Variants in PCSK5 observed in about 807,000 individuals in gnomAD.
PCSK5 encodes proprotein convertase subtilisin/kexin type 5, also known as prohormone convertase 5.
Under a neutral mutation model 233.2 loss-of-function variants are expected in PCSK5, and 129 were observed. That is an observed-to-expected ratio of 0.55 (90% CI 0.48 to 0.64). The LOEUF (loss-of-function observed/expected upper bound fraction) is 0.64, where lower values mean the gene tolerates loss of function less well. Among genes scored for constraint, PCSK5 ranks in the 30% least tolerant of loss-of-function variants. The probability of loss-of-function intolerance (pLI) is 0.00; values close to 1 mark genes in which losing one functional copy is unlikely to be tolerated. For missense variants in PCSK5, 2,076 were observed against 2,430.1 expected, an observed-to-expected ratio of 0.85 and a Z score of 3.06; for synonymous variants, 825 against 879.2, an observed-to-expected ratio of 0.94 and a Z score of 1.09.
chr9:75,978,487 G>A (rs1380395272), intron 2 of PCSK5, among the ~76,000 whole-genome samples: 2 of 152,166 alleles, frequency 1.3e-5, no homozygotes, highest in African/African-American at 2.4e-5. Flanking sequence ...ACTAGTGATT[G>A]GTAGTCCTCT....
chr9:76,328,975 A>ATTTTTTTTTTTTTTTTTTTTTTTTTT (rs59466685), intron 33 of PCSK5, among the ~76,000 whole-genome samples: 2 of 123,708 alleles, frequency 1.6e-5, no homozygotes, highest in Non-Finnish European at 3.3e-5. Context: ...CTCCCGGCTA[A>ATTTTTTTTTTTTTTTTTTTTTTTTTT]TTTTTTTTTT....
Position 76,068,059 on chromosome 9 carries a change from T to C in PCSK5, c.721+16T>C, listed in dbSNP as rs768626680. The C allele has an allele frequency of 4.4e-6, 7 of 1,581,004 alleles. No homozygotes were observed. Among genetic ancestry groups the C allele is most frequent in the South Asian group, 3.3e-5 (3 of 90,406 alleles). ...AAGATCGGAGGTATGGGAAACCAAC[T>C]CACGTGGATGTAGAAATGCGCCAGT... is the stretch of plus-strand genomic sequence containing the variant. On this transcript the variant is annotated intron_variant, in intron 6 of 37. Transcript: ENST00000674117.
At chr9:76,193,428 GAAAAAAA>G in intron 20 of PCSK5, 1 of 629,930 alleles carries the variant, frequency 1.6e-6, no homozygotes, top group Non-Finnish European at 2.2e-6. Flanking sequence ...AAGCCAAAAA[GAAAAAAA>G]AAAAAAGCAA....
At chr9:76,144,229 G>A (rs556013436) in intron 10 of PCSK5, among the ~76,000 whole-genome samples, 2 of 151,078 alleles carry the variant, frequency 1.3e-5, no homozygotes, top group South Asian at 4.1e-4. Context: ...CAATGTATAT[G>A]CTTTCTTAAT....
At chr9:76,245,310 G>A (rs1826555739) in intron 24 of PCSK5, among the ~76,000 whole-genome samples, 1 of 151,774 alleles carries the variant, frequency 6.6e-6, no homozygotes, top group South Asian at 2.1e-4. Context: ...TCCACTCTTG[G>A]GATAAAACAT....
chr9:76,115,619 A>G (rs370033385), intron 9 of PCSK5, among the ~76,000 whole-genome samples: 1 of 152,206 alleles, frequency 6.6e-6, no homozygotes, highest in South Asian at 2.1e-4. Flanking sequence ...CCCAAATACC[A>G]TCAAATATGA....
chr9:76,165,461 A>G (rs1823048624), intron 12 of PCSK5, among the ~76,000 whole-genome samples: 2 of 152,224 alleles, frequency 1.3e-5, no homozygotes, highest in Non-Finnish European at 2.9e-5. Flanking sequence ...AGGGAAATAA[A>G]GCTTACAGTA....
intron 3 of PCSK5, among the ~76,000 whole-genome samples, chr9:76,000,717 T>G (rs141574411): frequency 1.3e-5 from 2 of 152,332 alleles, no homozygotes; most frequent in East Asian, 3.9e-4. Flanking sequence ...TTGATGTGTT[T>G]TATTTCATTG....
At chr9:76,202,063 G>A (rs899259092) in intron 20 of PCSK5, among the ~76,000 whole-genome samples, 1 of 152,028 alleles carries the variant, frequency 6.6e-6, no homozygotes, top group Non-Finnish European at 1.5e-5. Context: ...AAAAAAGTAA[G>A]GCTTTTTATT....
At chr9:76,122,804 T>C (rs943746635) in intron 9 of PCSK5, among the ~76,000 whole-genome samples, 6 of 150,062 alleles carry the variant, frequency 4.0e-5, no homozygotes, top group African/African-American at 1.2e-4. Flanking sequence ...TTCCATCAGT[T>C]ACTTATTTTT....
At chr9:76,313,876 T>G (rs78781477) in intron 30 of PCSK5, among the ~76,000 whole-genome samples, 10,251 of 151,906 alleles carry the variant, frequency 0.067, 377 homozygotes, top group Non-Finnish European at 0.077. Context: ...AGGTGAGAAG[T>G]CAGGTTTGGA....
chr9:76,288,235 C>T (rs2803413), intron 24 of PCSK5, among the ~76,000 whole-genome samples: 31,890 of 152,068 alleles, frequency 0.21, 3,459 homozygotes, highest in Middle Eastern at 0.27. Context: ...AGGTGAAACT[C>T]ACTTCTCAGG....
At chr9:75,941,927 A>G (rs1564097768) in intron 2 of PCSK5, among the ~76,000 whole-genome samples, 3 of 152,232 alleles carry the variant, frequency 2.0e-5, no homozygotes, top group East Asian at 1.9e-4. Flanking sequence ...CAAAGACCCA[A>G]TCTCTTATAG....
At chr9:76,163,102 A>G (rs1822939542) in intron 12 of PCSK5, among the ~76,000 whole-genome samples, 1 of 152,228 alleles carries the variant, frequency 6.6e-6, no homozygotes. Context: ...TTGACAAAAT[A>G]TACGTCCTAT....
intron 2 of PCSK5, among the ~76,000 whole-genome samples, chr9:75,942,406 T>G (rs550370697): frequency 6.6e-6 from 1 of 152,366 alleles, no homozygotes; most frequent in Admixed American, 6.5e-5. Context: ...ATCACTTTGA[T>G]GATTTCTCTT....
At chr9:76,074,038 A>C in intron 7 of PCSK5, among the ~76,000 whole-genome samples, 1 of 152,228 alleles carries the variant, frequency 6.6e-6, no homozygotes, top group East Asian at 1.9e-4. Flanking sequence ...TAATTATGAA[A>C]GTAAACTATG....
chr9:76,323,042 C>T lies in PCSK5; in HGVS notation c.4103-10C>T. 1 of 1,521,326 alleles carries T rather than the reference C, an allele frequency of 6.6e-7. No homozygotes were observed. The allele number at this position is 1,521,326 out of a possible 1,614,324, so 94.2% of individuals were successfully genotyped here. A position where few individuals can be genotyped will look rare whatever the true frequency, so the allele number is the denominator to read the frequency against. On this transcript the variant is annotated splice_polypyrimidine_tract_variant and intron_variant, in intron 31 of 37. Transcript: ENST00000674117. Reference sequence around the variant, plus strand: ...CCCGGGGATAACTTGCTGCTTCCTCCTTTTCCCAGAGTGCACGCCTGAGTT... The same window carrying T: ...CCCGGGGATAACTTGCTGCTTCCTCTTTTTCCCAGAGTGCACGCCTGAGTT...
chr9:76,189,244 G>A (rs1237663789), intron 19 of PCSK5, 21 bp downstream of exon 19: 1 of 1,607,044 alleles, frequency 6.2e-7, no homozygotes, highest in African/African-American at 1.3e-5. Context: ...CTGCCCCCTG[G>A]GCCCTAGCAT....
intron 12 of PCSK5, among the ~76,000 whole-genome samples, chr9:76,160,266 TTCTA>T (rs1159430604): frequency 1.3e-5 from 2 of 152,190 alleles, no homozygotes; most frequent in Admixed American, 6.5e-5. Flanking sequence ...GGCCAGAATG[TTCTA>T]TCACTCATTT....
Sources: gnomAD v4.1 joint callset for allele counts (sites outside exome capture counted in the v4.1 genomes callset) on GRCh38, gnomAD v4.1.1 for gene constraint, MANE v1.5 for transcripts, NCBI Gene and HGNC (gene_info 2026-07-23, HGNC 2026-07-21) for gene names.